The following DTNA variants were observed in gnomAD, a reference collection of about 807,000 sequenced individuals.
DTNA encodes the protein dystrobrevin alpha.
In DTNA, 43 loss-of-function variants were observed where a neutral mutation model predicts 100.7. That is an observed-to-expected ratio of 0.43 (90% CI 0.33 to 0.55). DTNA has a LOEUF of 0.55. Among genes scored for constraint, DTNA ranks in the 20% least tolerant of loss-of-function variants. The pLI is 0.04. For synonymous variants in DTNA, 349 were observed against 347.9 expected (o/e 1.00, Z -0.04); for missense variants, 798 against 953.9 (o/e 0.84, Z 2.15).
chr18:34,828,671 T>G (rs1309037785), intron 10 of DTNA, among the ~76,000 whole-genome samples: 2 of 152,116 alleles, frequency 1.3e-5, no homozygotes, highest in African/African-American at 4.8e-5. Context: ...TCCCCATAAT[T>G]GTAATTAGCA....
intron 1 of DTNA, among the ~76,000 whole-genome samples, chr18:34,687,626 G>A (rs2079099435): frequency 6.6e-6 from 1 of 152,168 alleles, no homozygotes; most frequent in Non-Finnish European, 1.5e-5. Flanking sequence ...TGTTGATTTG[G>A]GGTGGAGAGT....
chr18:34,866,199 A>C, intron 17 of DTNA: 1 of 1,614,034 alleles, frequency 6.2e-7, no homozygotes, highest in Non-Finnish European at 8.5e-7. Flanking sequence ...CGGTTTTCTC[A>C]TTGCTTTTGC....
chr18:34,667,548 T>C (rs1480164742), intron 1 of DTNA, among the ~76,000 whole-genome samples: 1 of 152,240 alleles, frequency 6.6e-6, no homozygotes, highest in Non-Finnish European at 1.5e-5. Flanking sequence ...CAGTATGATA[T>C]TGGCTGTGGG....
chr18:34,612,761 C>G (rs1185573414), intron 1 of DTNA, among the ~76,000 whole-genome samples: 1 of 152,166 alleles, frequency 6.6e-6, no homozygotes, highest in East Asian at 1.9e-4. Flanking sequence ...ATTTCCCCAC[C>G]AATGTGCCTT....
At chr18:34,733,753 C>T in intron 1 of DTNA, among the ~76,000 whole-genome samples, 1 of 152,116 alleles carries the variant, frequency 6.6e-6, no homozygotes, top group Non-Finnish European at 1.5e-5. Context: ...CTCCACCATC[C>T]CAATCTCCCT....
At chr18:34,722,606 TACACAC>T (rs71166022) in intron 1 of DTNA, among the ~76,000 whole-genome samples, 7 of 147,224 alleles carry the variant, frequency 4.8e-5, no homozygotes, top group Admixed American at 1.4e-4. Context: ...TATATATACA[TACACAC>T]ACACACACAC....
At chr18:34,837,176 A>G (rs2096169670) in intron 11 of DTNA, among the ~76,000 whole-genome samples, 1 of 152,144 alleles carries the variant, frequency 6.6e-6, no homozygotes, top group Non-Finnish European at 1.5e-5. Context: ...GAGAGGGACA[A>G]TTTTAGATTC....
chr18:34,637,764 G>GT (rs765790426), intron 1 of DTNA, among the ~76,000 whole-genome samples: 5 of 152,228 alleles, frequency 3.3e-5, no homozygotes, highest in Non-Finnish European at 7.3e-5. Flanking sequence ...AGTGATAAAT[G>GT]TAAGTGTTAC....
chr18:34,581,419 ATTTT>A (rs1302263598), intron 1 of DTNA, among the ~76,000 whole-genome samples: 5 of 152,116 alleles, frequency 3.3e-5, no homozygotes, highest in African/African-American at 1.2e-4. Context: ...GGTTAACCTC[ATTTT>A]GAAAATTAAT....
intron 18 of DTNA, among the ~76,000 whole-genome samples, chr18:34,876,102 A>G (rs2096814631): frequency 2.0e-5 from 3 of 152,232 alleles, no homozygotes; most frequent in Non-Finnish European, 4.4e-5. Context: ...AGTAACCACT[A>G]TTAACAGTTT....
intron 21 of DTNA, among the ~76,000 whole-genome samples, chr18:34,884,175 A>G (rs893916325): frequency 3.9e-5 from 6 of 152,202 alleles, no homozygotes; most frequent in African/African-American, 1.2e-4. Flanking sequence ...AGAAGCGTCT[A>G]TTAGGCCTCC....
At chr18:34,765,866 G>A in intron 2 of DTNA, 95 bp from the exon 3 acceptor site, 1 of 1,182,694 alleles carries the variant, frequency 8.5e-7, no homozygotes, top group South Asian at 1.3e-5. Context: ...AAAATTAGGG[G>A]TAAGGATCAT....
intron 3 of DTNA, among the ~76,000 whole-genome samples, chr18:34,777,658 C>T (rs2094125707): frequency 6.6e-6 from 1 of 152,152 alleles, no homozygotes; most frequent in Non-Finnish European, 1.5e-5. Flanking sequence ...ACCTTCTTCA[C>T]AAGGCAGCAG....
At chr18:34,748,944 G>A (rs918788963) in intron 1 of DTNA, among the ~76,000 whole-genome samples, 31 of 152,104 alleles carry the variant, frequency 2.0e-4, no homozygotes, top group African/African-American at 7.0e-4. Flanking sequence ...AGCATGGGGT[G>A]TGTTTCTATT....
chr18:34,871,285 T>G (rs1206256456), intron 17 of DTNA, among the ~76,000 whole-genome samples: 1 of 152,222 alleles, frequency 6.6e-6, no homozygotes, highest in Non-Finnish European at 1.5e-5. Flanking sequence ...TGTATGAATC[T>G]TGTCAGACTT....
intron 1 of DTNA, among the ~76,000 whole-genome samples, chr18:34,599,984 T>G (rs2051452772): frequency 6.6e-6 from 1 of 152,206 alleles, no homozygotes; most frequent in Admixed American, 6.5e-5. Flanking sequence ...AGCCAACAAA[T>G]TTCTTTATGT....
chr18:34,885,829 G>A (rs778178699), intron 22 of DTNA, among the ~76,000 whole-genome samples: 1 of 152,192 alleles, frequency 6.6e-6, no homozygotes, highest in African/African-American at 2.4e-5. Flanking sequence ...AAGTGTACGG[G>A]AAACACTGGG....
chr18:34,632,327 A>G (rs2148137391), intron 1 of DTNA, among the ~76,000 whole-genome samples: 1 of 152,264 alleles, frequency 6.6e-6, no homozygotes, highest in African/African-American at 2.4e-5. Flanking sequence ...TGGTGATTTA[A>G]GGGGAGGATC....
chr18:34,617,305 A>C (rs1217681378), intron 1 of DTNA, among the ~76,000 whole-genome samples: 1 of 152,202 alleles, frequency 6.6e-6, no homozygotes, highest in African/African-American at 2.4e-5. Flanking sequence ...TTCAAAGCCC[A>C]GCTTGTTGAG....
Sources: allele counts gnomAD v4.1 joint callset (sites outside exome capture counted in the v4.1 genomes callset), GRCh38; gene constraint gnomAD v4.1.1; transcripts MANE v1.5; gene names NCBI Gene and HGNC (gene_info 2026-07-23, HGNC 2026-07-21).